Variants in UBE3D observed in about 807,000 individuals in gnomAD.
The protein encoded by UBE3D is E3 ubiquitin-protein ligase E3D.
Under a neutral mutation model 49.6 loss-of-function variants are expected in UBE3D, and 48 were observed. The ratio of observed to expected loss-of-function variants is 0.97; its 90% CI spans 0.77 to 1.23. The LOEUF is 1.23. Ranked by LOEUF, UBE3D falls within the 50% of genes most tolerant of loss-of-function variation. The pLI is 0.00. For synonymous variants in UBE3D, 189 were observed against 174.2 expected (o/e 1.08, Z -0.67); for missense variants, 452 against 468.4 (o/e 0.96, Z 0.32).
chr6:82,928,312 G>C (rs1304232850), intron 9 of UBE3D, among the ~76,000 whole-genome samples: 1 of 151,924 alleles, frequency 6.6e-6, no homozygotes, highest in Non-Finnish European at 1.5e-5. Flanking sequence ...AATAAAACAA[G>C]CCAACAAGTC....
Position 83,030,367 on chromosome 6 carries a change from A to C in UBE3D, c.668-6329T>G, listed in dbSNP as rs764936920. On this transcript the variant is annotated intron_variant, in intron 5 of 9. Transcript: ENST00000369747. ...TTTCCCATATCATGTTCTCATGATA[A>C]TGAATAAGTCTCATGAGATCTGATG... is the stretch of plus-strand genomic sequence containing the variant. Among the ~76,000 whole-genome samples the C allele has an allele frequency of 1.7e-3, 257 of 152,248 alleles. 3 individuals are homozygous for C. Among genetic ancestry groups the C allele is most frequent in the Non-Finnish European group, 3.1e-3 (209 of 68,024 alleles).
At chr6:82,908,046 A>C (rs925043396) in intron 9 of UBE3D, among the ~76,000 whole-genome samples, 4 of 152,200 alleles carry the variant, frequency 2.6e-5, no homozygotes, top group Non-Finnish European at 5.9e-5. Flanking sequence ...AATAGGGATA[A>C]ATTGCAAAAA....
chr6:82,893,969 A>G (rs1209024988), intron 9 of UBE3D: 3 of 152,242 alleles, frequency 2.0e-5, no homozygotes, highest in Admixed American at 2.0e-4. Context: ...GTTACCCTTC[A>G]TACGGTGCTG....
chr6:83,026,755 T>C (rs1182237177), intron 5 of UBE3D, among the ~76,000 whole-genome samples: 4 of 152,048 alleles, frequency 2.6e-5, no homozygotes, highest in Non-Finnish European at 5.9e-5. Context: ...TGCAGTGGTG[T>C]GATCACAGCT....
intron 3 of UBE3D, among the ~76,000 whole-genome samples, chr6:83,048,941 G>A (rs928333646): frequency 6.6e-6 from 1 of 152,026 alleles, no homozygotes; most frequent in Non-Finnish European, 1.5e-5. Context: ...CAAAAAAACA[G>A]TGAAACGATT....
intron 9 of UBE3D, among the ~76,000 whole-genome samples, chr6:82,899,953 A>G (rs1446182901): frequency 6.6e-6 from 1 of 152,230 alleles, no homozygotes; most frequent in Non-Finnish European, 1.5e-5. Context: ...TTGTAAGGAA[A>G]TAATTCTAGG....
chr6:82,896,994 C>T (rs1771371881), intron 9 of UBE3D, among the ~76,000 whole-genome samples: 1 of 151,946 alleles, frequency 6.6e-6, no homozygotes, highest in African/African-American at 2.4e-5. Flanking sequence ...CCGCCCCGGC[C>T]TCCCAAAGTG....
intron 1 of UBE3D, among the ~76,000 whole-genome samples, chr6:83,059,959 G>A (rs113960459): frequency 9.8e-5 from 15 of 152,308 alleles, no homozygotes; most frequent in African/African-American, 2.2e-4. Flanking sequence ...TAGCTCAGCT[G>A]CTATAACAAA....
downstream of UBE3D, among the ~76,000 whole-genome samples, chr6:82,888,250 A>T (rs996287850): frequency 6.6e-6 from 1 of 150,548 alleles, no homozygotes; most frequent in Non-Finnish European, 1.5e-5. Context: ...TAGGCAATCT[A>T]CTGCTGCTAC....
At chr6:82,985,978 T>C (rs1047617779) in intron 8 of UBE3D, among the ~76,000 whole-genome samples, 3 of 152,166 alleles carry the variant, frequency 2.0e-5, no homozygotes, top group Admixed American at 6.5e-5. Context: ...ATTTCTTTTA[T>C]TTTCAAGGGT....
At chr6:83,006,887 TA>T (rs1329711819) in intron 8 of UBE3D, among the ~76,000 whole-genome samples, 4 of 152,146 alleles carry the variant, frequency 2.6e-5, no homozygotes, top group African/African-American at 9.6e-5. Flanking sequence ...TAAAAATGGT[TA>T]AAATGGTAAA....
At chr6:83,032,046 C>T (rs1197651303) in intron 5 of UBE3D, among the ~76,000 whole-genome samples, 2 of 152,168 alleles carry the variant, frequency 1.3e-5, no homozygotes, top group African/African-American at 2.4e-5. Context: ...TCTGTTAGGG[C>T]AGTGCAGAAG....
At chr6:83,020,037 G>A (rs2127770768) in intron 7 of UBE3D, among the ~76,000 whole-genome samples, 1 of 152,294 alleles carries the variant, frequency 6.6e-6, no homozygotes, top group East Asian at 1.9e-4. Flanking sequence ...ACCCAGTATG[G>A]GGTCTGGGTG....
downstream of UBE3D, among the ~76,000 whole-genome samples, chr6:82,887,402 T>G (rs1257632061): frequency 6.8e-6 from 1 of 146,898 alleles, no homozygotes; most frequent in African/African-American, 2.5e-5. Flanking sequence ...TTTTTTTTTT[T>G]TTTTTTTTTT....
rs775920697 is a variant in UBE3D at position 83,019,113 on chromosome 6, A to G, written c.870T>C (p.Ser290=). The G allele has an allele frequency of 1.2e-6, 2 of 1,613,584 alleles. No individual in the cohort carries two copies. The highest frequency in any genetic ancestry group is 8.5e-7 in the Non-Finnish European group (1 of 1,179,812). ...AATTTCTCAAAGATTCAATCACCAA[A>G]CTGTCTGAATTTAAAAGCCATAGCT... ...YILLWLLNSD[S]LVIESLRNSK... is the part of the protein sequence containing the mutation. Residue 290 remains serine, a synonymous_variant, in exon 8 of 10, where the codon AGT becomes AGC. Coordinates refer to ENST00000369747, the MANE Select transcript of UBE3D (RefSeq NM_198920.3).
chr6:83,043,267 T>G (rs943727543), intron 4 of UBE3D, among the ~76,000 whole-genome samples: 4 of 152,104 alleles, frequency 2.6e-5, no homozygotes, highest in African/African-American at 9.7e-5. Flanking sequence ...CTTCCAAATG[T>G]TTTTGAAATG....
intron 7 of UBE3D, among the ~76,000 whole-genome samples, chr6:83,020,345 T>TTTTTTTTTTTTTG (rs1554204641): frequency 4.3e-5 from 6 of 140,576 alleles, no homozygotes; most frequent in African/African-American, 1.5e-4. Flanking sequence ...GATACTGTTT[T>TTTTTTTTTTTTTG]TTTTTTTTTT....
intron 9 of UBE3D, among the ~76,000 whole-genome samples, chr6:82,912,200 C>G (rs753129786): frequency 2.6e-4 from 40 of 151,914 alleles, no homozygotes; most frequent in Non-Finnish European, 4.9e-4. Flanking sequence ...TTGCTAAGAG[C>G]AATTCTATTT....
chr6:83,028,910 T>C (rs564182101), intron 5 of UBE3D, among the ~76,000 whole-genome samples: 2 of 152,176 alleles, frequency 1.3e-5, no homozygotes, highest in Non-Finnish European at 2.9e-5. Flanking sequence ...CACATCTTTT[T>C]CCCCCCAGCA....
Sources: allele counts gnomAD v4.1 joint callset (sites outside exome capture counted in the v4.1 genomes callset), GRCh38; gene constraint gnomAD v4.1.1; transcripts MANE v1.5; gene names NCBI Gene and HGNC (gene_info 2026-07-23, HGNC 2026-07-21).